PCNX2: variants seen among roughly 807,000 people sequenced by gnomAD.
PCNX2 encodes the protein pecanex 2.
A neutral mutation model predicts 223.8 loss-of-function variants in PCNX2; 168 were observed. That is an observed-to-expected ratio of 0.75 (90% CI 0.66 to 0.85). The LOEUF (loss-of-function observed/expected upper bound fraction) is 0.85, where lower values mean the gene tolerates loss of function less well. Ranked by LOEUF, PCNX2 falls within the 40% of genes least tolerant of loss-of-function variation. The probability of loss-of-function intolerance (pLI) is 0.00; values close to 1 mark genes in which losing one functional copy is unlikely to be tolerated. For synonymous variants in PCNX2, 1,006 were observed against 1,052.6 expected (o/e 0.96, Z 0.86); for missense variants, 2,507 against 2,675.5 (o/e 0.94, Z 1.39).
At chr1:233,021,287 C>T (rs1670880847) in intron 26 of PCNX2, among the ~76,000 whole-genome samples, 1 of 152,198 alleles carries the variant, frequency 6.6e-6, no homozygotes. Context: ...TCAGCCCCAT[C>T]CTGAGTGCTG....
chr1:233,095,069 AT>A (rs1346974318), intron 22 of PCNX2, among the ~76,000 whole-genome samples: 1 of 152,302 alleles, frequency 6.6e-6, no homozygotes, highest in East Asian at 1.9e-4. Context: ...CTTCAAGAGT[AT>A]TTTTAAAGCA....
intron 1 of PCNX2, chr1:233,291,843 A>C: frequency 2.0e-6 from 2 of 981,290 alleles, no homozygotes; most frequent in South Asian, 9.5e-5. Context: ...CCAAAAGAAA[A>C]GGAGGTTGGG....
At chr1:233,284,618 CA>C (rs1365450426) in intron 1 of PCNX2, among the ~76,000 whole-genome samples, 1 of 152,130 alleles carries the variant, frequency 6.6e-6, no homozygotes, top group African/African-American at 2.4e-5. Flanking sequence ...GAGAAGACAT[CA>C]ATCCATCTTG....
chr1:233,088,875 C>T (rs75641473), intron 23 of PCNX2, among the ~76,000 whole-genome samples: 3,503 of 152,306 alleles, frequency 0.023, 46 homozygotes, highest in East Asian at 0.041. Flanking sequence ...GCAGCCCCTG[C>T]TCTCCGTGTT....
chr1:233,138,933 G>A (rs973379102), intron 20 of PCNX2, among the ~76,000 whole-genome samples: 1 of 152,184 alleles, frequency 6.6e-6, no homozygotes, highest in African/African-American at 2.4e-5. Flanking sequence ...ATGACACCCT[G>A]AAAGGAAGAG....
intron 5 of PCNX2, among the ~76,000 whole-genome samples, chr1:233,257,224 G>C (rs1048275362): frequency 6.6e-6 from 1 of 150,930 alleles, no homozygotes; most frequent in Non-Finnish European, 1.5e-5. Flanking sequence ...AGACTGCCTG[G>C]AATCAAATCT....
intron 13 of PCNX2, among the ~76,000 whole-genome samples, chr1:233,205,703 A>C (rs12123895): frequency 0.74 from 112,004 of 151,496 alleles, 42,071 homozygotes; most frequent in African/African-American, 0.89. Flanking sequence ...CAAAAAAAAA[A>C]AAAAACAAAA....
At chr1:233,131,514 C>CT (rs1272128774) in intron 21 of PCNX2, among the ~76,000 whole-genome samples, 1 of 152,144 alleles carries the variant, frequency 6.6e-6, no homozygotes, top group African/African-American at 2.4e-5. Context: ...TATCCACTGG[C>CT]TTTTTTCCAG....
intron 1 of PCNX2, among the ~76,000 whole-genome samples, chr1:233,264,582 C>T (rs959194536): frequency 6.6e-6 from 1 of 152,146 alleles, no homozygotes; most frequent in Non-Finnish European, 1.5e-5. Context: ...TTCACCATCA[C>T]TTAACTCGCT....
rs184211017 is a variant in PCNX2, at chr1:233,059,691, G to T, written c.4077-2401C>A. On this transcript the variant is annotated intron_variant, in intron 23 of 33. Coordinates refer to ENST00000258229, the MANE Select transcript of PCNX2 (RefSeq NM_014801.4). ...TATTTGCAGAATAAATTATTGAATGGTCAAAGATAAGGCTACTTCTGAAGT... is the reference window on the plus strand; with the variant it reads ...TATTTGCAGAATAAATTATTGAATGTTCAAAGATAAGGCTACTTCTGAAGT... Among the ~76,000 whole-genome samples, 26 of 152,286 alleles carry T rather than the reference G, an allele frequency of 1.7e-4. 1 individual carries two copies. The East Asian group carries it at 4.6e-3, about 27-fold the overall frequency.
intron 22 of PCNX2, among the ~76,000 whole-genome samples, chr1:233,093,097 C>A (rs1571856070): frequency 6.6e-6 from 1 of 152,112 alleles, no homozygotes; most frequent in Non-Finnish European, 1.5e-5. Context: ...CTGTGCCCAG[C>A]CAGAAAACAT....
At chr1:233,234,477 G>A (rs1032221223) in intron 9 of PCNX2, among the ~76,000 whole-genome samples, 7 of 152,086 alleles carry the variant, frequency 4.6e-5, no homozygotes, top group Non-Finnish European at 1.0e-4. Flanking sequence ...ACAATAAAAC[G>A]CTACAGATGA....
At chr1:233,299,246 G>A (rs766271444), upstream of PCNX2, among the ~76,000 whole-genome samples, 7 of 152,120 alleles carry the variant, frequency 4.6e-5, no homozygotes, top group Non-Finnish European at 7.3e-5. Flanking sequence ...TATCCAGTCA[G>A]TGACCATGTC....
Position 232,986,163 on chromosome 1 carries a change from C to A in PCNX2, c.6169G>T (p.Asp2057Tyr). ...TTGACGCTGCTGGATGACTGGGTGTCACTGGTATTGCCCCCCTCCGCAGCA... is the reference window on the plus strand; with the variant it reads ...TTGACGCTGCTGGATGACTGGGTGTAACTGGTATTGCCCCCCTCCGCAGCA... Reference protein sequence around the residue: ...LSAAEGGNTSDTQSSSSVNIV... With the variant: ...LSAAEGGNTSYTQSSSSVNIV... The change falls in exon 33 of 34, where the codon GAC becomes TAC. Residue 2057 changes from aspartate to tyrosine, a missense_variant. Physicochemically the swap from Asp to Tyr is radical, Grantham distance 160. Transcript: ENST00000258229. The A allele has an allele frequency of 6.4e-7, 1 of 1,568,174 alleles. No individual in the cohort carries two copies. Among genetic ancestry groups the A allele is most frequent in the Admixed American group, 1.9e-5 (1 of 53,632 alleles).
chr1:233,200,107 T>C (rs1680978039), intron 14 of PCNX2, 47 bp downstream of exon 14: 1 of 1,432,204 alleles, frequency 7.0e-7, no homozygotes, highest in South Asian at 1.3e-5. Flanking sequence ...AGTCCTTATC[T>C]GAACTCTGAA....
chr1:233,322,994 A>G, the PCNX2 span, among the ~76,000 whole-genome samples: 1 of 152,212 alleles, frequency 6.6e-6, no homozygotes, highest in South Asian at 2.1e-4. Context: ...GTCATTTCAT[A>G]TCATTAATAT....
At chr1:233,146,618 T>C (rs1334786235) in intron 19 of PCNX2, among the ~76,000 whole-genome samples, 1 of 152,230 alleles carries the variant, frequency 6.6e-6, no homozygotes, top group East Asian at 1.9e-4. Flanking sequence ...TATCAACATT[T>C]GTCACCAATT....
chr1:233,141,622 G>A (rs1383654337), intron 19 of PCNX2, among the ~76,000 whole-genome samples: 4 of 152,148 alleles, frequency 2.6e-5, no homozygotes, highest in African/African-American at 7.2e-5. Context: ...GCAGTGAGCC[G>A]AGATTGTGCC....
intron 15 of PCNX2, among the ~76,000 whole-genome samples, chr1:233,183,077 A>T (rs772253696): frequency 6.6e-6 from 1 of 152,170 alleles, no homozygotes; most frequent in East Asian, 1.9e-4. Context: ...TATGTTTGGT[A>T]TGAAAACGAC....
Sources: gnomAD v4.1 joint callset for allele counts (sites outside exome capture counted in the v4.1 genomes callset) on GRCh38, gnomAD v4.1.1 for gene constraint, MANE v1.5 for transcripts, NCBI Gene and HGNC (gene_info 2026-07-23, HGNC 2026-07-21) for gene names.